The following GLDC variants were observed in gnomAD, a reference collection of about 807,000 sequenced individuals.
GLDC encodes the protein glycine decarboxylase, also known as glycine dehydrogenase (decarboxylating), mitochondrial.
In GLDC, 104 loss-of-function variants were observed where a neutral mutation model predicts 121.3. The ratio of observed to expected loss-of-function variants is 0.86; its 90% confidence interval spans 0.73 to 1.01. GLDC has a LOEUF of 1.01. Among genes scored for constraint, GLDC ranks in the 50% least tolerant of loss-of-function variants. The pLI, the probability that GLDC is intolerant of heterozygous loss-of-function variation, is 0.00. For synonymous variants in GLDC, 546 were observed against 480.6 expected, an observed-to-expected ratio of 1.14 and a Z score of -1.78; for missense variants, 1,429 against 1,306.6, an observed-to-expected ratio of 1.09 and a Z score of -1.44.
chr9:6,554,849 T>C (rs574333403), intron 18 of GLDC, 68 bp from the exon 19 acceptor site: 40 of 1,166,286 alleles, frequency 3.4e-5, no homozygotes, highest in African/African-American at 3.0e-4. Context: ...GTGAAGGCCA[T>C]GGCTGGCCGG....
Position 6,604,611 on chromosome 9 carries a change from A to G in GLDC, c.1035T>C (p.Pro345=), listed in dbSNP as rs759830992. ...AVRESLVRMM[P]GRMVGVTRDA... ...ACCTTGTTACCCCCACCATTCTTCC[A>G]GGCATCATTCTCACCAAGCTTTCTC... Residue 345 remains proline, a synonymous_variant, in exon 7 of 25, where the codon CCT becomes CCC. Coordinates refer to ENST00000321612, the MANE Select transcript of GLDC (RefSeq NM_000170.3). The G allele has an allele frequency of 6.2e-7, 1 of 1,612,826 alleles. No homozygotes were observed. The highest frequency in any genetic ancestry group is 1.1e-5 in the South Asian group (1 of 91,028).
chr9:6,627,914 G>A (rs777793644), intron 2 of GLDC, among the ~76,000 whole-genome samples: 1 of 152,194 alleles, frequency 6.6e-6, no homozygotes, highest in African/African-American at 2.4e-5. Flanking sequence ...ACTTTGGCCA[G>A]ATCTGCAGGA....
At position 6,540,142 on chromosome 9, in the gene GLDC, A is replaced by C. The variant is rs386833564; in HGVS notation, c.2574T>G (p.Tyr858Ter). 1 of 1,604,952 alleles carries C rather than the reference A, an allele frequency of 6.2e-7. No homozygotes were observed. Among genetic ancestry groups the C allele is most frequent in the Non-Finnish European group, 8.5e-7 (1 of 1,171,588 alleles). ...YRILFRGARG[Y>*]VGHEFILDTR... ...TGTCCAAAATAAATTCATGACCCAC[A>C]TAACCTGTTCAGGAAAGTTGTTTCA... Residue 858 changes from tyrosine to a stop codon, truncating the protein, a stop_gained, in exon 22 of 25, where the codon TAT becomes TAG. Coordinates refer to ENST00000321612, the MANE Select transcript of GLDC (RefSeq NM_000170.3). LOFTEE classifies it high-confidence loss of function.
chr9:6,629,242 G>C (rs1819310989), intron 2 of GLDC, among the ~76,000 whole-genome samples: 1 of 149,988 alleles, frequency 6.7e-6, no homozygotes, highest in Non-Finnish European at 1.5e-5. Flanking sequence ...TTTTGAGATG[G>C]AGTCTTCTGT....
At chr9:6,592,787 C>T (rs77808781) in intron 10 of GLDC, 64 bp downstream of exon 10, 8 of 1,468,518 alleles carry the variant, frequency 5.4e-6, no homozygotes, top group African/African-American at 2.8e-5. Context: ...AAAGAGAAAA[C>T]CTTTTAATGA....
intron 3 of GLDC, among the ~76,000 whole-genome samples, chr9:6,618,915 G>C (rs544977849): frequency 6.6e-6 from 1 of 152,050 alleles, no homozygotes; most frequent in South Asian, 2.1e-4. Context: ...AGGCCAAGGC[G>C]GGTGGATCAT....
At chr9:6,594,827 G>GAAAGAA (rs1225053031) in intron 9 of GLDC, among the ~76,000 whole-genome samples, 187 bp downstream of exon 9, 8 of 151,628 alleles carry the variant, frequency 5.3e-5, no homozygotes, top group Non-Finnish European at 1.2e-4. Flanking sequence ...AAGAAAGAAA[G>GAAAGAA]AAAGAAAAAG....
At position 6,606,369 on chromosome 9, in the gene GLDC, T is replaced by A. The variant is rs189730763; in HGVS notation, c.713+223A>T. Among the ~76,000 whole-genome samples, 58 of 147,274 alleles carry A rather than the reference T, an allele frequency of 3.9e-4. No homozygotes were observed. In the East Asian group the frequency reaches 4.2e-3, roughly 11 times the overall value. ...CAAAACACAACTTACTATAAAGCAA[T>A]GGCAATTGTGTATTTCCCCACTCAA... On this transcript the variant is annotated intron_variant, in intron 5 of 24. Transcript: ENST00000321612.
chr9:6,597,607 T>C (rs1013330015), intron 8 of GLDC, among the ~76,000 whole-genome samples: 2 of 151,650 alleles, frequency 1.3e-5, no homozygotes, highest in Non-Finnish European at 2.9e-5. Flanking sequence ...GAAAAGCCAA[T>C]GAAAGAGCTG....
chr9:6,546,066 C>G (rs1478856498), intron 21 of GLDC, among the ~76,000 whole-genome samples: 2 of 152,154 alleles, frequency 1.3e-5, no homozygotes, highest in African/African-American at 4.8e-5. Context: ...TGTCCTTATT[C>G]TATATGCTTT....
chr9:6,619,510 C>T (rs1350475384), intron 3 of GLDC, among the ~76,000 whole-genome samples: 1 of 151,780 alleles, frequency 6.6e-6, no homozygotes, highest in Non-Finnish European at 1.5e-5. Context: ...GGCGGATCAC[C>T]TGAGGTCAGG....
At chr9:6,633,237 C>T (rs534372412) in intron 2 of GLDC, among the ~76,000 whole-genome samples, 91 of 152,266 alleles carry the variant, frequency 6.0e-4, no homozygotes, top group Non-Finnish European at 1.0e-3. Context: ...ATCCTTCTGC[C>T]TCTGATGACT....
intron 15 of GLDC, among the ~76,000 whole-genome samples, chr9:6,579,803 C>G (rs572037642): frequency 9.8e-5 from 15 of 152,334 alleles, no homozygotes; most frequent in African/African-American, 3.6e-4. Flanking sequence ...GCTGCCCGGG[C>G]AACCTGTTCT....
intron 16 of GLDC, 85 bp from the exon 17 acceptor site, chr9:6,558,769 A>G: frequency 1.4e-6 from 2 of 1,398,156 alleles, no homozygotes; most frequent in South Asian, 1.2e-5. Flanking sequence ...ACATGCTTGT[A>G]GCACAAATTA....
chr9:6,630,759 T>C (rs1190443723), intron 2 of GLDC, among the ~76,000 whole-genome samples: 1 of 152,114 alleles, frequency 6.6e-6, no homozygotes. Context: ...GGCAGGACTT[T>C]CTCATCTTTC....
intron 2 of GLDC, among the ~76,000 whole-genome samples, chr9:6,643,024 A>C (rs577164785): frequency 3.3e-5 from 5 of 151,984 alleles, no homozygotes; most frequent in East Asian, 3.9e-4. Flanking sequence ...TAGCCTCCGG[A>C]GTAGCTGGGA....
At chr9:6,620,369 G>A (rs200795957) in intron 2 of GLDC, 50 bp from the exon 3 acceptor site, 3 of 1,500,644 alleles carry the variant, frequency 2.0e-6, no homozygotes, top group East Asian at 4.5e-5. Flanking sequence ...TCAGAAAAGA[G>A]CTCTAATTAC....
At chr9:6,643,104 C>T (rs1488385797) in intron 2 of GLDC, among the ~76,000 whole-genome samples, 1 of 151,902 alleles carries the variant, frequency 6.6e-6, no homozygotes, top group African/African-American at 2.4e-5. Flanking sequence ...CGCAATATTG[C>T]CCAAACTGGT....
chr9:6,573,326 T>C (rs1403697193), intron 15 of GLDC, among the ~76,000 whole-genome samples: 2 of 152,034 alleles, frequency 1.3e-5, no homozygotes, highest in East Asian at 1.9e-4. Flanking sequence ...CCAGGTGTGG[T>C]GGCACACACC....
Sources: gnomAD v4.1 joint callset for allele counts (sites outside exome capture counted in the v4.1 genomes callset) on GRCh38, gnomAD v4.1.1 for gene constraint, MANE v1.5 for transcripts, NCBI Gene and HGNC (gene_info 2026-07-23, HGNC 2026-07-21) for gene names.